Variants in ANKRD44 observed in about 807,000 individuals in gnomAD.
The protein encoded by ANKRD44 is serine/threonine-protein phosphatase 6 regulatory ankyrin repeat subunit B.
Under a neutral mutation model 116.0 loss-of-function variants are expected in ANKRD44, and 35 were observed. The observed-to-expected ratio is 0.30, with a 90% CI of 0.23 to 0.40. The LOEUF is 0.40. Ranked by LOEUF, ANKRD44 falls within the 10% of genes least tolerant of loss-of-function variation. ANKRD44 has a pLI of 1.00. For missense variants in ANKRD44, 1,014 were observed against 1,242.6 expected (o/e 0.82, Z 2.77); for synonymous variants, 435 against 461.8 (o/e 0.94, Z 0.74).
Position 197,121,049 on chromosome 2 carries a change from C to T in ANKRD44, c.906+283G>A, listed in dbSNP as rs538382989. Among the ~76,000 whole-genome samples the T allele has an allele frequency of 1.7e-3, 265 of 152,068 alleles. 1 individual carries two copies. Among genetic ancestry groups the T allele is most frequent in the African/African-American group, 5.9e-3 (245 of 41,444 alleles). ...GGTTTAAGCAATTCTCTGCCTCAGC[C>T]TCCCGAGTAGCTGAGATTGCAGGCA... On this transcript the variant is annotated intron_variant, in intron 8 of 27. Transcript: ENST00000282272.
intron 16 of ANKRD44, among the ~76,000 whole-genome samples, chr2:197,065,274 T>C (rs1365224465): frequency 6.6e-6 from 1 of 152,148 alleles, no homozygotes; most frequent in South Asian, 2.1e-4. Context: ...AGACACAACA[T>C]ACCAGAATCT....
intron 3 of ANKRD44, among the ~76,000 whole-genome samples, chr2:197,143,401 C>G (rs1165547080): frequency 7.5e-6 from 1 of 132,594 alleles, no homozygotes; most frequent in African/African-American, 2.8e-5. Context: ...CTTCCTGTGT[C>G]CATGTGTTCT....
intron 5 of ANKRD44, 96 bp from the exon 6 acceptor site, chr2:197,125,564 C>A: frequency 1.7e-6 from 2 of 1,189,542 alleles, no homozygotes; most frequent in Non-Finnish European, 1.3e-6. Flanking sequence ...AACATGAAAT[C>A]TAAAGGCAGG....
intron 21 of ANKRD44, among the ~76,000 whole-genome samples, chr2:196,979,588 A>C (rs1296869397): frequency 3.5e-5 from 3 of 84,758 alleles, no homozygotes; most frequent in African/African-American, 1.1e-4. Context: ...TTTAAGACAG[A>C]GTTTGGCTCT....
downstream of ANKRD44, among the ~76,000 whole-genome samples, chr2:196,981,962 T>C (rs1487759388): frequency 6.6e-6 from 1 of 151,514 alleles, no homozygotes; most frequent in East Asian, 1.9e-4. Context: ...GTTTTCCTCC[T>C]GCCTCTGACC....
At chr2:197,149,995 A>T (rs905625972) in intron 2 of ANKRD44, among the ~76,000 whole-genome samples, 3 of 152,184 alleles carry the variant, frequency 2.0e-5, no homozygotes, top group African/African-American at 7.2e-5. Context: ...TAGAAGAAGA[A>T]ACAAATCTAG....
At chr2:197,263,483 C>T in intron 1 of ANKRD44, 1 of 400,606 alleles carries the variant, frequency 2.5e-6, no homozygotes, top group East Asian at 5.5e-5. Flanking sequence ...CTCTAGGAAA[C>T]CATGGGGCTC....
At chr2:197,118,641 A>G (rs796303065) in intron 8 of ANKRD44, among the ~76,000 whole-genome samples, 25 of 108,708 alleles carry the variant, frequency 2.3e-4, no homozygotes, top group Middle Eastern at 5.1e-3. Context: ...GAGAGAGAGA[A>G]AGAAAGAAAG....
At chr2:196,973,189 A>G (rs1211711976) in intron 21 of ANKRD44, among the ~76,000 whole-genome samples, 1 of 152,194 alleles carries the variant, frequency 6.6e-6, no homozygotes, top group East Asian at 1.9e-4. Flanking sequence ...CCTGACTATC[A>G]TTGATGTTGA....
chr2:197,099,746 C>T, intron 10 of ANKRD44, 70 bp downstream of exon 10: 1 of 1,590,102 alleles, frequency 6.3e-7, no homozygotes. Flanking sequence ...CTATCTACTG[C>T]ACGGAAGAAT....
chr2:196,998,803 C>T (rs2076061116), intron 24 of ANKRD44, 104 bp downstream of exon 24: 5 of 1,463,310 alleles, frequency 3.4e-6, no homozygotes, highest in Non-Finnish European at 4.6e-6. Context: ...TGCTAATGGC[C>T]CTTTTCCACG....
intron 27 of ANKRD44, chr2:196,992,648 G>A (rs2075942030): frequency 6.5e-6 from 1 of 152,718 alleles, no homozygotes; most frequent in Admixed American, 6.5e-5. Flanking sequence ...TGGAGTAATA[G>A]GGAACTTTCT....
intron 6 of ANKRD44, 38 bp downstream of exon 6, chr2:197,125,343 G>A: frequency 6.4e-7 from 1 of 1,567,824 alleles, no homozygotes; most frequent in Non-Finnish European, 8.8e-7. Context: ...TTTAGTTAAG[G>A]TTATCTGTAC....
At chr2:197,241,221 T>C (rs2082083743) in intron 1 of ANKRD44, among the ~76,000 whole-genome samples, 1 of 152,158 alleles carries the variant, frequency 6.6e-6, no homozygotes, top group Non-Finnish European at 1.5e-5. Flanking sequence ...AGAATTAAAT[T>C]TGTCAAAGTA....
At chr2:197,128,337 A>C (rs1449904168) in intron 4 of ANKRD44, among the ~76,000 whole-genome samples, 2 of 152,112 alleles carry the variant, frequency 1.3e-5, no homozygotes, top group Non-Finnish European at 2.9e-5. Context: ...TGCCATTCTG[A>C]CTGGTGTGAG....
At chr2:197,286,432 T>C (rs1344489351) in intron 1 of ANKRD44, among the ~76,000 whole-genome samples, 1 of 151,540 alleles carries the variant, frequency 6.6e-6, no homozygotes, top group South Asian at 2.1e-4. Flanking sequence ...TGAAGTGCAG[T>C]AGCAAGATCA....
At chr2:197,069,755 A>C (rs2077519995) in intron 16 of ANKRD44, among the ~76,000 whole-genome samples, 1 of 152,182 alleles carries the variant, frequency 6.6e-6, no homozygotes, top group African/African-American at 2.4e-5. Context: ...GCTATTCCAT[A>C]TAAATTTTAG....
intron 1 of ANKRD44, among the ~76,000 whole-genome samples, chr2:197,282,258 A>AAT (rs1553548764): frequency 2.0e-5 from 3 of 151,806 alleles, no homozygotes; most frequent in African/African-American, 4.8e-5. Context: ...GTCTCAAAAA[A>AAT]ATATATATAT....
chr2:197,145,095 T>C (rs2079463844), intron 3 of ANKRD44, among the ~76,000 whole-genome samples: 2 of 151,942 alleles, frequency 1.3e-5, no homozygotes, highest in Admixed American at 1.3e-4. Context: ...ATCGAGACTA[T>C]CCTGGCTAAC....
Sources: gnomAD v4.1 joint callset for allele counts (sites outside exome capture counted in the v4.1 genomes callset) on GRCh38, gnomAD v4.1.1 for gene constraint, MANE v1.5 for transcripts, NCBI Gene and HGNC (gene_info 2026-07-23, HGNC 2026-07-21) for gene names.